Variants in AP3B1 observed in about 807,000 individuals in gnomAD.
The protein encoded by AP3B1 is AP-3 complex subunit beta-1.
A neutral mutation model predicts 132.5 loss-of-function variants in AP3B1; 61 were observed. The observed-to-expected ratio is 0.46, with a 90% CI of 0.37 to 0.57. The LOEUF is 0.57. Ranked by LOEUF, AP3B1 falls within the 20% of genes least tolerant of loss-of-function variation. The pLI is 0.00. For missense variants in AP3B1, 1,120 were observed against 1,289.4 expected (o/e 0.87, Z 2.01); for synonymous variants, 388 against 438.3 (o/e 0.89, Z 1.43).
chr5:78,113,779 T>C lies in AP3B1; in HGVS notation c.2222A>G (p.Lys741Arg), dbSNP rs764090577. ...TTTTCCTTTGGCTTTTGAGTTCCTC[T>C]TGGCTGTTCTTTTGTTTTCTAGGCC... The part of the protein sequence containing the change: ...ESGLENKRTA[K>R]RNSKAKGKSD... Residue 741 changes from lysine (K) to arginine (R), a missense_variant, in exon 19 of 27, where the codon AAG (lysine) becomes AGG (arginine). This residue lies in a region of AP3B1 where 906 missense variants were observed against 997.1 expected (regional missense o/e 0.91). Transcript: ENST00000255194. The C allele has an allele frequency of 6.2e-7, 1 of 1,614,050 alleles. No homozygotes were observed. Among genetic ancestry groups the C allele is most frequent in the Admixed American group, 1.7e-5 (1 of 60,014 alleles).
At chr5:78,075,148 C>T (rs962620517) in intron 22 of AP3B1, among the ~76,000 whole-genome samples, 3 of 151,998 alleles carry the variant, frequency 2.0e-5, no homozygotes, top group Admixed American at 1.3e-4. Context: ...CTAAAATACC[C>T]TAGTAGCAAT....
At chr5:78,196,630 G>A (rs1351045139) in intron 7 of AP3B1, among the ~76,000 whole-genome samples, 2 of 152,158 alleles carry the variant, frequency 1.3e-5, no homozygotes, top group African/African-American at 4.8e-5. Flanking sequence ...TCTTTCAGTA[G>A]GTGAGTGGAT....
At chr5:78,292,682 T>G (rs1749580583) in intron 1 of AP3B1, among the ~76,000 whole-genome samples, 1 of 152,146 alleles carries the variant, frequency 6.6e-6, no homozygotes, top group Non-Finnish European at 1.5e-5. Flanking sequence ...GCACAAATAC[T>G]CAATAAATAT....
chr5:78,260,940 A>G (rs1181748009), intron 2 of AP3B1, among the ~76,000 whole-genome samples: 1 of 152,250 alleles, frequency 6.6e-6, no homozygotes, highest in Admixed American at 6.5e-5. Flanking sequence ...AGCATGCATC[A>G]GAATTCCATT....
chr5:78,009,271 A>G (rs575854326), intron 26 of AP3B1, among the ~76,000 whole-genome samples: 1 of 150,668 alleles, frequency 6.6e-6, no homozygotes, highest in East Asian at 2.0e-4. Context: ...CCTGGGCAAC[A>G]TAGGGACACC....
At chr5:78,193,742 T>TATATATATATATATATA (rs1561469413) in intron 7 of AP3B1, among the ~76,000 whole-genome samples, 11 of 90,816 alleles carry the variant, frequency 1.2e-4, no homozygotes, top group East Asian at 5.3e-4. Flanking sequence ...GTATATATTT[T>TATATATATATATATATA]TTTATATATA....
chr5:78,218,556 C>T (rs1746051796), intron 6 of AP3B1, among the ~76,000 whole-genome samples: 1 of 152,108 alleles, frequency 6.6e-6, no homozygotes, highest in African/African-American at 2.4e-5. Context: ...ACAAAAGTGA[C>T]ACCCCATCTA....
chr5:78,117,911 A>C (rs1751931124), intron 17 of AP3B1, among the ~76,000 whole-genome samples: 1 of 152,170 alleles, frequency 6.6e-6, no homozygotes, highest in African/African-American at 2.4e-5. Flanking sequence ...AAAATAGTTG[A>C]GACTCATTTA....
chr5:78,022,410 G>A (rs1327980908), intron 24 of AP3B1, among the ~76,000 whole-genome samples: 1 of 152,164 alleles, frequency 6.6e-6, no homozygotes, highest in Non-Finnish European at 1.5e-5. Flanking sequence ...CTGTACTTTG[G>A]GAATGATGAG....
At chr5:78,049,212 T>C (rs915073022) in intron 22 of AP3B1, among the ~76,000 whole-genome samples, 1 of 152,234 alleles carries the variant, frequency 6.6e-6, no homozygotes, top group African/African-American at 2.4e-5. Context: ...CGGCTTTGCC[T>C]TTCTTTGTCC....
chr5:78,267,445 T>A (rs530408179), intron 2 of AP3B1, 75 bp downstream of exon 2: 283 of 577,606 alleles, frequency 4.9e-4, no homozygotes, highest in Middle Eastern at 4.9e-4. Context: ...TAACGTATTT[T>A]TATATATATA....
chr5:78,009,439 A>G (rs1172835253), intron 26 of AP3B1, among the ~76,000 whole-genome samples: 1 of 152,132 alleles, frequency 6.6e-6, no homozygotes, highest in Non-Finnish European at 1.5e-5. Flanking sequence ...CCTGGGCAAC[A>G]GAGTGAGACC....
chr5:78,157,082 TG>T (rs1387824650), intron 13 of AP3B1, among the ~76,000 whole-genome samples: 1 of 151,732 alleles, frequency 6.6e-6, no homozygotes, highest in Non-Finnish European at 1.5e-5. Flanking sequence ...CAGGAGATGG[TG>T]GGGGGAGGGC....
At chr5:78,190,303 T>C (rs1224529765) in intron 7 of AP3B1, among the ~76,000 whole-genome samples, 2 of 152,164 alleles carry the variant, frequency 1.3e-5, no homozygotes, top group African/African-American at 4.8e-5. Context: ...GCTTCTTAGA[T>C]CCGGCTCTCC....
intron 2 of AP3B1, among the ~76,000 whole-genome samples, chr5:78,253,173 T>A (rs780389920): frequency 6.6e-6 from 1 of 152,262 alleles, no homozygotes; most frequent in Non-Finnish European, 1.5e-5. Context: ...GTTACTGAGC[T>A]TGGGGTGCCC....
chr5:78,006,437 A>G (rs1746399207), intron 26 of AP3B1, among the ~76,000 whole-genome samples: 2 of 152,226 alleles, frequency 1.3e-5, no homozygotes. Context: ...AAAATTGTTT[A>G]CTTGATTTTG....
intron 7 of AP3B1, among the ~76,000 whole-genome samples, chr5:78,185,026 G>C (rs1172852621): frequency 6.6e-6 from 1 of 152,146 alleles, no homozygotes; most frequent in African/African-American, 2.4e-5. Context: ...AATGACAGCA[G>C]ATTTCTCATC....
At chr5:78,223,019 G>GTTTCTCTTTTTTT (rs1229443158) in intron 6 of AP3B1, among the ~76,000 whole-genome samples, 6 of 105,354 alleles carry the variant, frequency 5.7e-5, no homozygotes, top group African/African-American at 2.2e-4. Flanking sequence ...TTGTTTGTTT[G>GTTTCTCTTTTTTT]TTTGTTTCTT....
At chr5:78,225,418 G>T in intron 6 of AP3B1, 124 bp downstream of exon 6, 1 of 519,044 alleles carries the variant, frequency 1.9e-6, no homozygotes. Flanking sequence ...ATAGTCCTGT[G>T]TGCCATTAAT....
Sources: allele counts gnomAD v4.1 joint callset (sites outside exome capture counted in the v4.1 genomes callset), GRCh38; gene constraint gnomAD v4.1.1; regional missense constraint gnomAD v4.1.1; transcripts MANE v1.5; gene names NCBI Gene and HGNC (gene_info 2026-07-23, HGNC 2026-07-21).